The following GMDS variants were observed in gnomAD, a reference collection of about 807,000 sequenced individuals.
GMDS encodes GDP-mannose 4,6-dehydratase.
In GMDS, 20 loss-of-function variants were observed where a neutral mutation model predicts 49.9. That is an observed-to-expected ratio of 0.40 (90% confidence interval 0.28 to 0.58). The LOEUF is 0.58. Ranked by LOEUF, GMDS falls within the 20% of genes least tolerant of loss-of-function variation. GMDS has a pLI of 0.42. For missense variants in GMDS, 362 were observed against 481.4 expected (o/e 0.75, Z 2.32); for synonymous variants, 177 against 178.6 (o/e 0.99, Z 0.07).
chr6:1,760,361 G>C (rs777088336), intron 7 of GMDS, among the ~76,000 whole-genome samples: 4 of 152,216 alleles, frequency 2.6e-5, no homozygotes, highest in African/African-American at 4.8e-5. Context: ...GGAGCTCCAG[G>C]GGGGATAAGT....
At chr6:2,046,595 G>A (rs1433579690) in intron 4 of GMDS, among the ~76,000 whole-genome samples, 1 of 152,066 alleles carries the variant, frequency 6.6e-6, no homozygotes, top group African/African-American at 2.4e-5. Context: ...GAGTAGCTGG[G>A]ACTACAAGCA....
chr6:1,634,505 T>C (rs2745612), intron 9 of GMDS, among the ~76,000 whole-genome samples: 60,445 of 152,078 alleles, frequency 0.4, 13,207 homozygotes, highest in African/African-American at 0.59. Flanking sequence ...GTGTATGTGT[T>C]TTTCTCTGTC....
intron 7 of GMDS, among the ~76,000 whole-genome samples, chr6:1,834,194 A>G (rs1756817429): frequency 6.6e-6 from 1 of 152,230 alleles, no homozygotes; most frequent in Non-Finnish European, 1.5e-5. Context: ...AATAAAAGCT[A>G]TTCTATAAGG....
At chr6:1,994,332 C>T (rs578069066) in intron 4 of GMDS, among the ~76,000 whole-genome samples, 1 of 152,268 alleles carries the variant, frequency 6.6e-6, no homozygotes, top group African/African-American at 2.4e-5. Context: ...GAAGGCTACA[C>T]TCTTAGGTGA....
intron 6 of GMDS, among the ~76,000 whole-genome samples, chr6:1,958,528 A>T (rs1763765734): frequency 6.6e-6 from 1 of 152,152 alleles, no homozygotes; most frequent in African/African-American, 2.4e-5. Context: ...ACTGCTTGTG[A>T]ATTTGTTTTC....
At chr6:1,658,892 A>T (rs1763975509) in intron 9 of GMDS, among the ~76,000 whole-genome samples, 1 of 152,242 alleles carries the variant, frequency 6.6e-6, no homozygotes, top group South Asian at 2.1e-4. Flanking sequence ...GACGTCCTGG[A>T]ATACCTGAAC....
intron 9 of GMDS, among the ~76,000 whole-genome samples, chr6:1,631,964 G>A (rs1173242184): frequency 6.6e-6 from 1 of 152,194 alleles, no homozygotes; most frequent in East Asian, 1.9e-4. Context: ...CTATAATTCT[G>A]TTATCACTCA....
intron 4 of GMDS, among the ~76,000 whole-genome samples, chr6:2,011,791 G>A (rs1033923897): frequency 8.5e-5 from 13 of 152,230 alleles, no homozygotes; most frequent in African/African-American, 1.4e-4. Flanking sequence ...GCGTGGTCGC[G>A]CATTACCTAT....
In GMDS at chr6:2,000,330, C is replaced by T. The variant is rs192836545; in HGVS notation, c.346-39364G>A. ...GATTACAGGCGTGAGCCACCACTCCCGGACAGTATTTACTATATTAACTGG... is the reference window on the plus strand; with the variant it reads ...GATTACAGGCGTGAGCCACCACTCCTGGACAGTATTTACTATATTAACTGG... On this transcript the variant is annotated intron_variant, in intron 4 of 10. Transcript: ENST00000380815. Among the ~76,000 whole-genome samples, 624 of 151,356 alleles carry T rather than the reference C, an allele frequency of 4.1e-3. 9 individuals are homozygous for T. The highest frequency in any genetic ancestry group is 0.014 in the African/African-American group (587 of 41,268).
chr6:1,895,436 A>G (rs1391225474), intron 7 of GMDS, among the ~76,000 whole-genome samples: 1 of 152,198 alleles, frequency 6.6e-6, no homozygotes, highest in Non-Finnish European at 1.5e-5. Context: ...ATTGCCCACT[A>G]AGGTAACCAG....
chr6:1,925,191 T>G (rs765239151), intron 7 of GMDS, among the ~76,000 whole-genome samples: 9 of 152,206 alleles, frequency 5.9e-5, no homozygotes, highest in Non-Finnish European at 1.2e-4. Context: ...TTAAAAAGTT[T>G]TATAATAAAA....
intron 9 of GMDS, among the ~76,000 whole-genome samples, chr6:1,706,998 T>C (rs1765763368): frequency 6.6e-6 from 1 of 152,256 alleles, no homozygotes; most frequent in Non-Finnish European, 1.5e-5. Context: ...CATCTCATAC[T>C]GGTTCCTAAC....
intron 7 of GMDS, among the ~76,000 whole-genome samples, chr6:1,824,350 T>G (rs1355500094): frequency 6.6e-6 from 1 of 152,184 alleles, no homozygotes; most frequent in Admixed American, 6.5e-5. Context: ...GGTGTGCACT[T>G]CTACACTTTC....
intron 7 of GMDS, among the ~76,000 whole-genome samples, chr6:1,749,610 T>TA (rs1212960779): frequency 6.6e-6 from 1 of 151,164 alleles, no homozygotes; most frequent in Non-Finnish European, 1.5e-5. Flanking sequence ...AAATTAAACA[T>TA]AAAAAAAAGA....
chr6:1,983,151 G>T (rs1227928044), intron 4 of GMDS, among the ~76,000 whole-genome samples: 1 of 152,142 alleles, frequency 6.6e-6, no homozygotes, highest in Admixed American at 6.5e-5. Flanking sequence ...GTTAATAAAT[G>T]GTGATGAGAG....
chr6:1,905,284 A>T (rs573817662), intron 7 of GMDS, among the ~76,000 whole-genome samples: 1 of 152,360 alleles, frequency 6.6e-6, no homozygotes, highest in South Asian at 2.1e-4. Flanking sequence ...GTGCCTGTGC[A>T]TCTGCATGTG....
At chr6:1,962,940 G>A (rs1429890914) in intron 4 of GMDS, among the ~76,000 whole-genome samples, 2 of 140,616 alleles carry the variant, frequency 1.4e-5, no homozygotes, top group Non-Finnish European at 3.0e-5. Flanking sequence ...GCAATGGCGC[G>A]ATCTGGACTC....
At chr6:1,801,433 A>G (rs1437650625) in intron 7 of GMDS, among the ~76,000 whole-genome samples, 1 of 152,256 alleles carries the variant, frequency 6.6e-6, no homozygotes, top group Non-Finnish European at 1.5e-5. Context: ...TGAATATCAG[A>G]GATTCATACC....
intron 1 of GMDS, among the ~76,000 whole-genome samples, chr6:2,194,161 G>A (rs1053272745): frequency 6.6e-6 from 1 of 152,120 alleles, no homozygotes; most frequent in Non-Finnish European, 1.5e-5. Context: ...CAGCAGTTTG[G>A]ACTGTGTGTG....
Sources: gnomAD v4.1 joint callset for allele counts (sites outside exome capture counted in the v4.1 genomes callset) on GRCh38, gnomAD v4.1.1 for gene constraint, MANE v1.5 for transcripts, NCBI Gene and HGNC (gene_info 2026-07-23, HGNC 2026-07-21) for gene names.